LPP: variants seen among roughly 807,000 people sequenced by gnomAD.
The protein encoded by LPP is lipoma-preferred partner.
LPP carries 38 observed loss-of-function variants against 60.4 expected under a neutral mutation model. The ratio of observed to expected loss-of-function variants is 0.63; its 90% CI spans 0.49 to 0.83. The LOEUF (loss-of-function observed/expected upper bound fraction) is 0.83, where lower values mean the gene tolerates loss of function less well. LPP is among the 40% of genes least tolerant of loss of function. LPP has a pLI of 0.00. For missense variants in LPP, 902 were observed against 783.6 expected (o/e 1.15, Z -1.80); for synonymous variants, 328 against 290.8 (o/e 1.13, Z -1.30).
chr3:188,582,537 C>T (rs1425513803), intron 6 of LPP, among the ~76,000 whole-genome samples: 1 of 151,920 alleles, frequency 6.6e-6, no homozygotes, highest in Non-Finnish European at 1.5e-5. Flanking sequence ...CTAGGGCCTG[C>T]TCTTGTTTCA....
rs186346739 is a variant in LPP, at chr3:188,621,882, A to C, written c.1113+12038A>C. Among the ~76,000 whole-genome samples the C allele has an allele frequency of 5.2e-3, 789 of 151,922 alleles. 1 individual carries two copies. The highest frequency in any genetic ancestry group is 0.01 in the Middle Eastern group (3 of 294). On this transcript the variant is annotated intron_variant, in intron 7 of 11. Coordinates refer to ENST00000617246, the MANE Select transcript of LPP (RefSeq NM_001375462.1). ...GCATTGTTAGCCAGGCTGGTCTCAAACTCCTGACCTCAGGTGATCCACCCA... is the reference window on the plus strand; with the variant it reads ...GCATTGTTAGCCAGGCTGGTCTCAACCTCCTGACCTCAGGTGATCCACCCA...
intron 7 of LPP, among the ~76,000 whole-genome samples, chr3:188,700,770 T>A (rs1347303710): frequency 2.0e-5 from 3 of 152,284 alleles, no homozygotes; most frequent in Non-Finnish European, 4.4e-5. Flanking sequence ...ATCTCTGTCA[T>A]AATGAGGTTT....
At chr3:188,418,207 T>A (rs1334817869) in intron 4 of LPP, among the ~76,000 whole-genome samples, 1 of 152,184 alleles carries the variant, frequency 6.6e-6, no homozygotes, top group Middle Eastern at 3.2e-3. Context: ...AATGTAGAAG[T>A]CACATTTGAC....
intron 8 of LPP, among the ~76,000 whole-genome samples, chr3:188,757,749 A>G (rs543908905): frequency 6.6e-6 from 1 of 152,302 alleles, no homozygotes; most frequent in South Asian, 2.1e-4. Context: ...TTTAATAATC[A>G]TATGGATTGG....
intron 10 of LPP, among the ~76,000 whole-genome samples, chr3:188,869,443 AC>A: frequency 6.6e-6 from 1 of 152,160 alleles, no homozygotes; most frequent in South Asian, 2.1e-4. Context: ...GGCACCCACC[AC>A]CATGCCTGGC....
intron 2 of LPP, among the ~76,000 whole-genome samples, chr3:188,252,013 G>A (rs1729795523): frequency 1.1e-5 from 1 of 93,190 alleles, no homozygotes; most frequent in African/African-American, 3.9e-5. Context: ...TATCTTTCTG[G>A]TATTTCTTTT....
chr3:188,696,954 C>A (rs531313655), intron 7 of LPP, among the ~76,000 whole-genome samples: 5 of 152,296 alleles, frequency 3.3e-5, no homozygotes, highest in Admixed American at 6.5e-5. Context: ...TGCTACACTG[C>A]TCGTGTACTC....
intron 9 of LPP, among the ~76,000 whole-genome samples, chr3:188,780,995 GGCACTACCGGATTCAGACTGACA>G (rs979777965): frequency 1.3e-5 from 2 of 152,188 alleles, no homozygotes; most frequent in Non-Finnish European, 2.9e-5. Context: ...GGTGCCAAAA[GGCACTACCGGATTCAGACTGACA>G]GCACTGAGAG....
At chr3:188,848,090 A>G (rs1228368925) in intron 9 of LPP, among the ~76,000 whole-genome samples, 5 of 152,196 alleles carry the variant, frequency 3.3e-5, no homozygotes, top group African/African-American at 7.2e-5. Flanking sequence ...AGAAATGTTT[A>G]TGATTATATA....
At chr3:188,507,534 TTGA>T (rs1813908821) in intron 5 of LPP, among the ~76,000 whole-genome samples, 1 of 152,072 alleles carries the variant, frequency 6.6e-6, no homozygotes, top group Admixed American at 6.5e-5. Context: ...CGTTTTTCTC[TTGA>T]TGAAACCTCA....
At chr3:188,628,464 T>C (rs1372121690) in intron 7 of LPP, among the ~76,000 whole-genome samples, 1 of 151,996 alleles carries the variant, frequency 6.6e-6, no homozygotes, top group Non-Finnish European at 1.5e-5. Context: ...GCGACTCTTA[T>C]GAACAGCACT....
chr3:188,330,873 A>AAAT (rs1759847953), intron 2 of LPP, among the ~76,000 whole-genome samples: 1 of 150,996 alleles, frequency 6.6e-6, no homozygotes, highest in Non-Finnish European at 1.5e-5. Context: ...ATAAATAAAT[A>AAAT]AATAAATAAA....
At chr3:188,406,462 A>T in intron 4 of LPP, 149 bp downstream of exon 4, 1 of 718,800 alleles carries the variant, frequency 1.4e-6, no homozygotes, top group East Asian at 2.7e-5. Context: ...GAGCCCCCGG[A>T]AATAGTCTAG....
chr3:188,154,865 A>C (rs1463717635), intron 1 of LPP, among the ~76,000 whole-genome samples: 1 of 152,156 alleles, frequency 6.6e-6, no homozygotes, highest in Non-Finnish European at 1.5e-5. Flanking sequence ...GCTGGAGCAA[A>C]GGCGTGGACA....
chr3:188,671,066 C>T (rs752085229), intron 7 of LPP, among the ~76,000 whole-genome samples: 1 of 152,226 alleles, frequency 6.6e-6, no homozygotes, highest in Non-Finnish European at 1.5e-5. Context: ...AGATTGTTCT[C>T]TCTACGTTCT....
At position 188,217,335 on chromosome 3, in the gene LPP, A is replaced by C. The variant is rs564533821; in HGVS notation, c.-189-8070A>C. ...GAGTTTGTGTTTGAGGAACAGAAGG[A>C]GACTGATGTGCTGGCAGGATGTGGG... On this transcript the variant is annotated intron_variant, in intron 1 of 11. Transcript: ENST00000617246. This position sits in a 1 kb window ranked among gnomAD's most constrained non-coding sequence, Gnocchi z 4.0. Among the ~76,000 whole-genome samples the C allele has an allele frequency of 6.6e-6, 1 of 152,256 alleles. No homozygotes were observed. The highest frequency in any genetic ancestry group is 2.1e-4 in the South Asian group (1 of 4,818).
rs542809810 is a variant in LPP, at chr3:188,731,408, G to A, written c.1240+23015G>A. Among the ~76,000 whole-genome samples the A allele has an allele frequency of 2.6e-5, 4 of 152,258 alleles. No individual in the cohort carries two copies. In the South Asian group the frequency reaches 8.3e-4, roughly 32 times the overall value. ...TGGGGCATGTTTGCTGATTCCCAAG[G>A]AAGCTTGATCTTTTTGATGGAGCAC... On this transcript the variant is annotated intron_variant, in intron 8 of 11. Transcript: ENST00000617246.
At chr3:188,858,726 T>G (rs1181054723) in intron 9 of LPP, among the ~76,000 whole-genome samples, 4 of 152,120 alleles carry the variant, frequency 2.6e-5, no homozygotes, top group Admixed American at 2.6e-4. Context: ...AACAGAAAAT[T>G]TTATAAGAAA....
At chr3:188,279,993 G>A (rs549785444) in intron 2 of LPP, among the ~76,000 whole-genome samples, 3 of 152,272 alleles carry the variant, frequency 2.0e-5, no homozygotes, top group East Asian at 3.9e-4. Context: ...TTCACCCTGT[G>A]TTGTTCTCTT....
Sources: gnomAD v4.1 joint callset for allele counts (sites outside exome capture counted in the v4.1 genomes callset) on GRCh38, gnomAD v4.1.1 for gene constraint, Gnocchi (gnomAD v3.1) non-coding constraint, MANE v1.5 for transcripts, NCBI Gene and HGNC (gene_info 2026-07-23, HGNC 2026-07-21) for gene names.